Variants in SEMA5A observed in about 807,000 individuals in gnomAD.
The protein encoded by SEMA5A is semaphorin 5A.
Under a neutral mutation model 135.5 loss-of-function variants are expected in SEMA5A, and 55 were observed. The ratio of observed to expected loss-of-function variants is 0.41; its 90% CI spans 0.33 to 0.51. SEMA5A has a LOEUF of 0.51. Ranked by LOEUF, SEMA5A falls within the 20% of genes least tolerant of loss-of-function variation. SEMA5A has a pLI of 0.37. For missense variants in SEMA5A, 1,290 were observed against 1,419.9 expected (o/e 0.91, Z 1.47); for synonymous variants, 580 against 546.5 (o/e 1.06, Z -0.85).
intron 7 of SEMA5A, 102 bp from the exon 8 acceptor site, chr5:9,224,989 G>A: frequency 9.1e-7 from 1 of 1,104,628 alleles, no homozygotes; most frequent in Non-Finnish European, 1.3e-6. Context: ...TTGTGCAACA[G>A]CCTCTCGGGG....
chr5:9,290,265 A>T (rs1751014650), intron 5 of SEMA5A, among the ~76,000 whole-genome samples: 1 of 152,144 alleles, frequency 6.6e-6, no homozygotes, highest in Admixed American at 6.5e-5. Flanking sequence ...TTGAATAATT[A>T]TAGTTAAGCA....
Position 9,212,359 on chromosome 5 carries a change from A to C in SEMA5A, c.647-10119T>G, listed in dbSNP as rs376507302. On this transcript the variant is annotated intron_variant, in intron 8 of 22. Coordinates refer to ENST00000382496, the MANE Select transcript of SEMA5A (RefSeq NM_003966.3). ...TTATTAACGATTAATATTTTAATGC[A>C]TTAAAGCTGTTAAGGTATTTCTCTA... 1.4e-4 allele frequency among the ~76,000 whole-genome samples: 22 copies of C among 152,358 alleles called. No homozygotes were observed. The East Asian group carries it at 3.5e-3, about 24-fold the overall frequency.
intron 11 of SEMA5A, among the ~76,000 whole-genome samples, chr5:9,181,498 CT>C (rs982971270): frequency 5.4e-4 from 82 of 152,136 alleles, no homozygotes; most frequent in African/African-American, 1.9e-3. Flanking sequence ...GGCAGCCCCC[CT>C]GGCACCCCAC....
intron 5 of SEMA5A, among the ~76,000 whole-genome samples, chr5:9,289,554 A>T (rs1750971709): frequency 1.3e-5 from 2 of 151,724 alleles, no homozygotes; most frequent in Admixed American, 1.3e-4. Context: ...AGTCCCAGCA[A>T]TTCAGGAGGC....
chr5:9,418,909 G>T (rs1757371838), intron 2 of SEMA5A, among the ~76,000 whole-genome samples: 2 of 152,178 alleles, frequency 1.3e-5, no homozygotes, highest in African/African-American at 4.8e-5. Flanking sequence ...TAGCTTTCAG[G>T]TTGATGTGTT....
At chr5:9,290,052 T>G (rs768521416) in intron 5 of SEMA5A, among the ~76,000 whole-genome samples, 13 of 152,200 alleles carry the variant, frequency 8.5e-5, no homozygotes, top group Non-Finnish European at 1.6e-4. Flanking sequence ...AAAATTACTT[T>G]TAATTTTTTT....
chr5:9,122,794 G>A lies in SEMA5A; in HGVS notation c.1643C>T (p.Pro548Leu), dbSNP rs1196036626. Residue 548 changes from proline (P) to leucine (L), a missense_variant, in exon 14 of 23, where the codon CCG becomes CTG. This residue lies in a region of SEMA5A where 1,029 missense variants were observed against 1,086.6 expected (regional missense o/e 0.95). Coordinates refer to ENST00000382496, the MANE Select transcript of SEMA5A (RefSeq NM_003966.3). ...TVDGHFGVWSPWTPCTHTDGS... is the reference protein window; with the variant it reads ...TVDGHFGVWSLWTPCTHTDGS... The stretch of plus-strand genomic sequence containing the variant: ...ATCTGTGTGCGTGCAAGGCGTCCAC[G>A]GAGACCACACACCAAAGTGCCCATC... The A allele has an allele frequency of 1.9e-6, 3 of 1,611,842 alleles. No homozygotes were observed. The highest frequency in any genetic ancestry group is 1.7e-6 in the Non-Finnish European group (2 of 1,179,000).
intron 18 of SEMA5A, among the ~76,000 whole-genome samples, chr5:9,058,745 C>T (rs1185402422): frequency 6.6e-6 from 1 of 152,124 alleles, no homozygotes; most frequent in Non-Finnish European, 1.5e-5. Context: ...AGATGTGAAG[C>T]CCTTCACTCA....
chr5:9,338,273 G>A (rs1005017048), intron 3 of SEMA5A, among the ~76,000 whole-genome samples: 6 of 152,200 alleles, frequency 3.9e-5, no homozygotes, highest in African/African-American at 1.4e-4. Context: ...CAAATTAGAT[G>A]TTCCATTTCC....
chr5:9,244,715 C>T (rs982319375), intron 5 of SEMA5A, among the ~76,000 whole-genome samples: 1 of 152,196 alleles, frequency 6.6e-6, no homozygotes, highest in Non-Finnish European at 1.5e-5. Flanking sequence ...ATAGAATGCC[C>T]TGCACCCATG....
intron 11 of SEMA5A, among the ~76,000 whole-genome samples, chr5:9,176,672 AAAAAAGGGGCCC>A (rs1744222398): frequency 6.6e-6 from 1 of 152,164 alleles, no homozygotes; most frequent in South Asian, 2.1e-4. Context: ...GCTCTTGTTG[AAAAAAGGGGCCC>A]CAGTTCTGGC....
At chr5:9,113,125 G>C (rs761995374) in intron 15 of SEMA5A, among the ~76,000 whole-genome samples, 2 of 152,144 alleles carry the variant, frequency 1.3e-5, no homozygotes, top group Non-Finnish European at 2.9e-5. Flanking sequence ...ACCTGAAGCT[G>C]TGCCCAGATT....
rs1738323887 is a variant in SEMA5A at position 9,545,248 on chromosome 5, G to A, written c.-175+336C>T. ...GCGCGCCGGGGGCGGGCACAGACCA[G>A]TGTGCGCACCTTTCCGGGTGTTGGG... On this transcript the variant is annotated intron_variant, in intron 1 of 22. Transcript: ENST00000382496. The surrounding 1 kb of genome is among the most constrained non-coding windows in gnomAD (Gnocchi z 4.5). Among the ~76,000 whole-genome samples, 1 of 152,134 alleles carries A rather than the reference G, an allele frequency of 6.6e-6. No homozygotes were observed. Among genetic ancestry groups the A allele is most frequent in the African/African-American group, 2.4e-5 (1 of 41,448 alleles).
chr5:9,132,792 C>T (rs1741506015), intron 13 of SEMA5A, among the ~76,000 whole-genome samples: 1 of 152,198 alleles, frequency 6.6e-6, no homozygotes, highest in African/African-American at 2.4e-5. Context: ...TTATTGCACT[C>T]AATGTAACAG....
intron 16 of SEMA5A, among the ~76,000 whole-genome samples, chr5:9,095,112 T>A (rs1294086257): frequency 6.6e-6 from 1 of 152,178 alleles, no homozygotes; most frequent in Non-Finnish European, 1.5e-5. Flanking sequence ...AACCTTGTAT[T>A]CCTCTTTAGA....
At chr5:9,381,424 T>A (rs1351450102) in intron 2 of SEMA5A, among the ~76,000 whole-genome samples, 1 of 152,192 alleles carries the variant, frequency 6.6e-6, no homozygotes, top group Non-Finnish European at 1.5e-5. Context: ...CCACCTGGAA[T>A]CTGGGTTGGC....
At position 9,154,553 on chromosome 5, in the gene SEMA5A, G is replaced by T. The variant is rs377487102; in HGVS notation, c.1416C>A (p.Phe472Leu). The T allele has an allele frequency of 6.2e-7, 1 of 1,612,976 alleles. No homozygotes were observed. The highest frequency in any genetic ancestry group is 1.3e-5 in the African/African-American group (1 of 74,882). ...TGACCACGTGCTCCCGCAGGCCCAC[G>T]AACAGGACACTCTGGCTGTGCAGGA... Reference protein sequence around the residue: ...LQILHSQSVLFVGLREHVVKI... With the variant: ...LQILHSQSVLLVGLREHVVKI... The change falls in exon 12 of 23, where the codon TTC becomes TTA. Residue 472 changes from phenylalanine to leucine, a missense_variant. By Grantham distance (22) the Phe-to-Leu change is conservative (BLOSUM62 0). This residue lies in a region of SEMA5A where 1,029 missense variants were observed against 1,086.6 expected (regional missense o/e 0.95). Transcript: ENST00000382496.
In SEMA5A at chr5:9,500,876, T is replaced by A. The variant is rs144251785; in HGVS notation, c.-175+44708A>T. Among the ~76,000 whole-genome samples the A allele has an allele frequency of 3.2e-4, 48 of 152,316 alleles. No individual in the cohort carries two copies. The East Asian group carries it at 8.3e-3, about 26-fold the overall frequency. On this transcript the variant is annotated intron_variant, in intron 1 of 22. Transcript: ENST00000382496. Reference sequence around the variant, plus strand: ...GAGGCTTTCCCTGCCTTCCTGGAGCTTGCCAACACACCTCTTCTAATCTGG... The same window carrying A: ...GAGGCTTTCCCTGCCTTCCTGGAGCATGCCAACACACCTCTTCTAATCTGG...
intron 12 of SEMA5A, among the ~76,000 whole-genome samples, chr5:9,144,213 A>G (rs975142353): frequency 1.3e-5 from 2 of 152,218 alleles, no homozygotes; most frequent in African/African-American, 4.8e-5. Context: ...TGGCTAATTA[A>G]GATTTAAAAT....
Sources: allele counts gnomAD v4.1 joint callset (sites outside exome capture counted in the v4.1 genomes callset), GRCh38; gene constraint gnomAD v4.1.1; regional missense constraint gnomAD v4.1.1; non-coding constraint Gnocchi (gnomAD v3.1); transcripts MANE v1.5; gene names NCBI Gene and HGNC (gene_info 2026-07-23, HGNC 2026-07-21).